The following TGFBR3 variants were observed in gnomAD, a reference collection of about 807,000 sequenced individuals.
TGFBR3 encodes transforming growth factor beta receptor 3, also known as transforming growth factor beta receptor type 3.
In TGFBR3, 46 loss-of-function variants were observed where a neutral mutation model predicts 87.9. The ratio of observed to expected loss-of-function variants is 0.52; its 90% CI spans 0.41 to 0.67. The LOEUF (loss-of-function observed/expected upper bound fraction) is 0.67, where lower values mean the gene tolerates loss of function less well. TGFBR3 is among the 30% of genes least tolerant of loss of function. The pLI, the probability that TGFBR3 is intolerant of heterozygous loss-of-function variation, is 0.00. For synonymous variants in TGFBR3, 381 were observed against 391.6 expected (o/e 0.97, Z 0.32); for missense variants, 866 against 1,041.9 (o/e 0.83, Z 2.32).
intron 2 of TGFBR3, among the ~76,000 whole-genome samples, chr1:91,896,390 A>G (rs1679552034): frequency 6.6e-6 from 1 of 152,214 alleles, no homozygotes. Context: ...GGGCTCAATG[A>G]GAGACTGATG....
intron 3 of TGFBR3, among the ~76,000 whole-genome samples, chr1:91,793,128 C>T (rs548777955): frequency 2.0e-5 from 3 of 152,272 alleles, no homozygotes; most frequent in Admixed American, 6.5e-5. Flanking sequence ...CCAACTTAAG[C>T]GTTACTGTCT....
intron 14 of TGFBR3, among the ~76,000 whole-genome samples, chr1:91,705,398 G>GT (rs1671767678): frequency 1.3e-5 from 2 of 150,868 alleles, no homozygotes. Flanking sequence ...TAATTTTTTT[G>GT]GTTTTTTTTT....
intron 4 of TGFBR3, among the ~76,000 whole-genome samples, chr1:91,741,048 A>G (rs1375617747): frequency 1.3e-5 from 2 of 152,140 alleles, no homozygotes; most frequent in African/African-American, 2.4e-5. Flanking sequence ...CACACCAACT[A>G]ATTCTCCAAC....
At chr1:91,738,146 C>A (rs1416420975) in intron 4 of TGFBR3, among the ~76,000 whole-genome samples, 1 of 152,220 alleles carries the variant, frequency 6.6e-6, no homozygotes. Flanking sequence ...CGAACTGGAA[C>A]TGGGGCACTG....
intron 2 of TGFBR3, among the ~76,000 whole-genome samples, chr1:91,898,575 C>T (rs567551155): frequency 1.4e-4 from 22 of 152,058 alleles, no homozygotes; most frequent in African/African-American, 3.1e-4. Flanking sequence ...TAGCTGGGAC[C>T]ACAGGCGCCC....
At chr1:91,852,201 G>A (rs528903699) in intron 2 of TGFBR3, among the ~76,000 whole-genome samples, 304 of 152,098 alleles carry the variant, frequency 2.0e-3, no homozygotes, top group Non-Finnish European at 3.6e-3. Flanking sequence ...GTGAGCTACC[G>A]TGCCACTGCA....
intron 1 of TGFBR3, among the ~76,000 whole-genome samples, chr1:91,879,595 T>C (rs955360547): frequency 6.6e-6 from 1 of 152,216 alleles, no homozygotes. Context: ...AAATGAAGAA[T>C]AAGTTCCAAA....
Position 91,712,402 on chromosome 1 carries a change from G to A in TGFBR3, c.2007C>T (p.Tyr669=). Residue 669 remains tyrosine, a synonymous_variant, in exon 13 of 17, where the codon TAC becomes TAT. Coordinates refer to ENST00000212355, the MANE Select transcript of TGFBR3 (RefSeq NM_003243.5). ...ICPKDESVKF[Y]SPKRVHFPIP... is the part of the protein sequence containing the mutation. Reference sequence around the variant, plus strand: ...TAGGAAAGTGCACTCTCTTGGGACTGTAGAATTTCACAGATTCATCTTTAG... The same window carrying A: ...TAGGAAAGTGCACTCTCTTGGGACTATAGAATTTCACAGATTCATCTTTAG... 1 of 1,614,218 alleles carries A rather than the reference G, an allele frequency of 6.2e-7. No homozygotes were observed.
chr1:91,774,755 C>A (rs1382116531), intron 3 of TGFBR3, among the ~76,000 whole-genome samples: 1 of 152,126 alleles, frequency 6.6e-6, no homozygotes, highest in Non-Finnish European at 1.5e-5. Flanking sequence ...GTTGAGTACA[C>A]TGTGCAAAGT....
At chr1:91,697,552 T>C (rs1438485430) in intron 15 of TGFBR3, among the ~76,000 whole-genome samples, 1 of 152,226 alleles carries the variant, frequency 6.6e-6, no homozygotes, top group Non-Finnish European at 1.5e-5. Flanking sequence ...ATAATGAAAT[T>C]GGCCTAGACA....
intron 7 of TGFBR3, among the ~76,000 whole-genome samples, chr1:91,722,578 C>T (rs1162068718): frequency 6.6e-6 from 1 of 152,146 alleles, no homozygotes; most frequent in East Asian, 1.9e-4. Flanking sequence ...GCTTCCACTT[C>T]CTATTCCCCT....
rs1316356845 is a variant in TGFBR3 at position 91,683,417 on chromosome 1, C to G, written c.*322G>C. The G allele has an allele frequency of 1.8e-6, 1 of 559,912 alleles. No homozygotes were observed. Among genetic ancestry groups the G allele is most frequent in the African/African-American group, 1.9e-5 (1 of 53,962 alleles). The allele number at this position is 559,912 out of a possible 1,614,324, so 34.7% of individuals were successfully genotyped here. On this transcript the variant is annotated 3_prime_UTR_variant, in exon 17 of 17. Transcript: ENST00000212355. ...CAAATTATGGATGTTCTCACCTGGACAAAGCAGCATTTTAAAAACTGGCAT... is the reference window on the plus strand; with the variant it reads ...CAAATTATGGATGTTCTCACCTGGAGAAAGCAGCATTTTAAAAACTGGCAT...
chr1:91,706,743 G>A (rs1671812484), intron 14 of TGFBR3, among the ~76,000 whole-genome samples: 1 of 152,156 alleles, frequency 6.6e-6, no homozygotes, highest in African/African-American at 2.4e-5. Context: ...TCTTTCTTGG[G>A]TGAAATCTAA....
rs1402610717 is a variant in TGFBR3 at position 91,680,801 on chromosome 1, T to C, written c.*2938A>G. The C allele has an allele frequency of 1.8e-5, 8 of 453,398 alleles. No individual in the cohort carries two copies. The highest frequency in any genetic ancestry group is 1.2e-4 in the South Asian group (8 of 64,372). 28.1% of individuals were successfully genotyped at this position (453,398 alleles called of 1,614,324 possible). ...AGCACCCCACACACACTCACAATCA[T>C]GCCCACTAAGAACACAAGCAGGAAA... On this transcript the variant is annotated 3_prime_UTR_variant, in exon 17 of 17. Transcript: ENST00000212355.
chr1:91,749,626 G>T (rs1036324567), intron 4 of TGFBR3, among the ~76,000 whole-genome samples: 2 of 152,100 alleles, frequency 1.3e-5, no homozygotes, highest in Admixed American at 1.3e-4. Flanking sequence ...CCTGTGTCCA[G>T]GAAGGAGTTG....
Position 91,712,251 on chromosome 1 carries a change from A to G in TGFBR3, c.2158T>C (p.Leu720=), listed in dbSNP as rs541821566. The G allele has an allele frequency of 5.6e-6, 9 of 1,614,132 alleles. No homozygotes were observed. Among genetic ancestry groups the G allele is most frequent in the Non-Finnish European group, 4.2e-6 (5 of 1,180,000 alleles). ...GATGAAGGCCCACAAACCTTAGGCAACTTCTGGGGGTGCTTCTCCATCTTC... is the reference window on the plus strand; with the variant it reads ...GATGAAGGCCCACAAACCTTAGGCAGCTTCTGGGGGTGCTTCTCCATCTTC... ...CTKMEKHPQK[L]PKCVPPDEAC... The change falls in exon 13 of 17, where the codon TTG becomes CTG. Residue 720 remains leucine (L), a synonymous_variant. Coordinates refer to ENST00000212355, the MANE Select transcript of TGFBR3 (RefSeq NM_003243.5).
intron 2 of TGFBR3, among the ~76,000 whole-genome samples, chr1:91,841,608 CAT>C (rs1677284173): frequency 6.6e-6 from 1 of 151,960 alleles, no homozygotes; most frequent in African/African-American, 2.4e-5. Context: ...GCCTGACCAA[CAT>C]GGTGAAACCC....
At chr1:91,843,715 C>T (rs1677375222) in intron 2 of TGFBR3, among the ~76,000 whole-genome samples, 1 of 152,184 alleles carries the variant, frequency 6.6e-6, no homozygotes, top group South Asian at 2.1e-4. Context: ...GTCACACAGC[C>T]TATGATCTGG....
intron 2 of TGFBR3, among the ~76,000 whole-genome samples, chr1:91,891,502 A>G (rs76703961): frequency 2.8e-5 from 4 of 143,316 alleles, no homozygotes; most frequent in Admixed American, 7.0e-5. Flanking sequence ...TGTCTCAAAG[A>G]AAAAAAAAAA....
Sources: gnomAD v4.1 joint callset for allele counts (sites outside exome capture counted in the v4.1 genomes callset) on GRCh38, gnomAD v4.1.1 for gene constraint, MANE v1.5 for transcripts, NCBI Gene and HGNC (gene_info 2026-07-23, HGNC 2026-07-21) for gene names.